NRP1: variants seen among roughly 807,000 people sequenced by gnomAD.
The protein encoded by NRP1 is neuropilin 1.
In NRP1, 35 loss-of-function variants were observed where a neutral mutation model predicts 106.7. The ratio of observed to expected loss-of-function variants is 0.33; its 90% CI spans 0.25 to 0.43. NRP1 has a LOEUF of 0.43. Among genes scored for constraint, NRP1 ranks in the 20% least tolerant of loss-of-function variants. The pLI is 1.00. For missense variants in NRP1, 1,024 were observed against 1,170.4 expected, an observed-to-expected ratio of 0.87 and a Z score of 1.83; for synonymous variants, 437 against 417.9, an observed-to-expected ratio of 1.05 and a Z score of -0.56.
chr10:33,315,391 G>A (rs1846950604), intron 2 of NRP1, among the ~76,000 whole-genome samples: 1 of 152,210 alleles, frequency 6.6e-6, no homozygotes. Context: ...GAGCTGACTT[G>A]GTCTTCCTGT....
chr10:33,202,560 G>C, intron 11 of NRP1: 1 of 1,404,552 alleles, frequency 7.1e-7, no homozygotes, highest in South Asian at 1.5e-5. Flanking sequence ...GGTGGTGCAC[G>C]TGTTATTGGG....
Position 33,263,874 on chromosome 10 carries a change from C to T in NRP1, c.431-1G>A, listed in dbSNP as rs1234362332. On this transcript the variant is annotated splice_acceptor_variant, in intron 3 of 16. Transcript: ENST00000374867. LOFTEE classifies it high-confidence loss of function. The stretch of plus-strand genomic sequence containing the variant: ...GTGTAGTTCTGGGAACATTCAGGAC[C>T]TATGAGTAGAAGAGAAAAAGGAGTA... The T allele has an allele frequency of 6.3e-7, 1 of 1,588,418 alleles. No homozygotes were observed. The highest frequency in any genetic ancestry group is 8.6e-7 in the Non-Finnish European group (1 of 1,157,494).
rs755645368 is a variant in NRP1 at position 33,323,427 on chromosome 10, C to T, written c.248+7281G>A. On this transcript the variant is annotated intron_variant, in intron 2 of 16. Coordinates refer to ENST00000374867, the MANE Select transcript of NRP1 (RefSeq NM_003873.7). Reference sequence around the variant, plus strand: ...GAACTCTATAAAGGAATTGAGTAGACGGAAGCCAAAATATTCTGTTTGTTT... The same window carrying T: ...GAACTCTATAAAGGAATTGAGTAGATGGAAGCCAAAATATTCTGTTTGTTT... Among the ~76,000 whole-genome samples, 7 of 152,068 alleles carry T rather than the reference C, an allele frequency of 4.6e-5. No homozygotes were observed. The South Asian group carries it at 6.2e-4, about 14-fold the overall frequency.
intron 6 of NRP1, among the ~76,000 whole-genome samples, chr10:33,235,306 C>T (rs1475317112): frequency 6.6e-6 from 1 of 152,150 alleles, no homozygotes; most frequent in Non-Finnish European, 1.5e-5. Context: ...GAGACTTTTC[C>T]AGAATCCAGC....
intron 6 of NRP1, among the ~76,000 whole-genome samples, chr10:33,229,298 C>T (rs954424321): frequency 1.6e-4 from 24 of 152,104 alleles, no homozygotes; most frequent in Middle Eastern, 6.3e-3. Flanking sequence ...TTCACAATGC[C>T]GCAATCTAAA....
chr10:33,233,875 C>T (rs1037215405), intron 6 of NRP1, among the ~76,000 whole-genome samples: 3 of 152,168 alleles, frequency 2.0e-5, no homozygotes, highest in African/African-American at 7.2e-5. Flanking sequence ...TGTCTCATTT[C>T]CTTAGATAAA....
In NRP1 at chr10:33,226,302, T is replaced by C; in HGVS notation, c.982-13A>G. On this transcript the variant is annotated splice_polypyrimidine_tract_variant and intron_variant, in intron 6 of 16. Coordinates refer to ENST00000374867, the MANE Select transcript of NRP1 (RefSeq NM_003873.7). ...GGCCCAAGTCTACCTGCAAGACAAG[T>C]ACAAGCGTGGTCAGTGCACCATCCC... 6.2e-7 allele frequency: 1 copy of C among 1,613,966 alleles called. No homozygotes were observed. The highest frequency in any genetic ancestry group is 1.1e-5 in the South Asian group (1 of 91,072).
At chr10:33,255,574 C>G (rs552424895) in intron 5 of NRP1, among the ~76,000 whole-genome samples, 1 of 152,282 alleles carries the variant, frequency 6.6e-6, no homozygotes, top group Admixed American at 6.5e-5. Context: ...CCCATAGCTT[C>G]CCAAGTAACT....
intron 11 of NRP1, chr10:33,202,370 TAGC>T (rs747741686): frequency 3.0e-6 from 1 of 329,172 alleles, no homozygotes; most frequent in Non-Finnish European, 5.6e-6. Context: ...TGATGTGAAA[TAGC>T]AGCTAATTCT....
At chr10:33,191,498 G>C (rs1236790880) in intron 13 of NRP1, among the ~76,000 whole-genome samples, 1 of 152,206 alleles carries the variant, frequency 6.6e-6, no homozygotes, top group Non-Finnish European at 1.5e-5. Flanking sequence ...TAAAATAAAC[G>C]AGGGGACATA....
intron 7 of NRP1, among the ~76,000 whole-genome samples, chr10:33,224,941 T>C (rs545337783): frequency 1.3e-5 from 2 of 152,328 alleles, no homozygotes; most frequent in East Asian, 3.9e-4. Flanking sequence ...GAGTTAGTGA[T>C]TTTTTATTTC....
chr10:33,256,236 C>T, intron 5 of NRP1, 80 bp downstream of exon 5: 1 of 1,409,972 alleles, frequency 7.1e-7, no homozygotes, highest in Non-Finnish European at 9.9e-7. Context: ...TTCTTTAGTG[C>T]TTCATGTGGC....
chr10:33,305,409 T>C (rs1846079299), intron 2 of NRP1, among the ~76,000 whole-genome samples: 3 of 152,212 alleles, frequency 2.0e-5, no homozygotes, highest in Non-Finnish European at 4.4e-5. Flanking sequence ...CCTGAAGGTC[T>C]AGCTGCAAAA....
intron 2 of NRP1, among the ~76,000 whole-genome samples, chr10:33,276,965 G>T (rs910927177): frequency 6.6e-6 from 1 of 151,982 alleles, no homozygotes; most frequent in Non-Finnish European, 1.5e-5. Flanking sequence ...CATTAGCAGG[G>T]TATGGTGGCT....
intron 8 of NRP1, among the ~76,000 whole-genome samples, chr10:33,216,353 G>A (rs1838770327): frequency 6.6e-6 from 1 of 151,978 alleles, no homozygotes; most frequent in Non-Finnish European, 1.5e-5. Context: ...AGCCAGGATG[G>A]TCTCGATCTC....
intron 8 of NRP1, among the ~76,000 whole-genome samples, chr10:33,216,732 A>T (rs1016461972): frequency 3.9e-4 from 60 of 152,198 alleles, no homozygotes; most frequent in Non-Finnish European, 7.4e-4. Context: ...TTGAGCCACC[A>T]TATCCAGCCC....
chr10:33,204,793 A>G (rs1837629563), intron 10 of NRP1, among the ~76,000 whole-genome samples: 1 of 151,938 alleles, frequency 6.6e-6, no homozygotes, highest in African/African-American at 2.4e-5. Flanking sequence ...GTACAATGGC[A>G]TGATCTCAGC....
chr10:33,288,810 T>C (rs896081501), intron 2 of NRP1, among the ~76,000 whole-genome samples: 1 of 152,314 alleles, frequency 6.6e-6, no homozygotes, highest in Non-Finnish European at 1.5e-5. Flanking sequence ...TCTCCTTGAA[T>C]GTATAAAACC....
chr10:33,222,346 A>G (rs1002612178), intron 7 of NRP1, among the ~76,000 whole-genome samples: 5 of 152,136 alleles, frequency 3.3e-5, no homozygotes, highest in African/African-American at 1.2e-4. Flanking sequence ...CTTTGACTTC[A>G]TTCCTTGATG....
Sources: gnomAD v4.1 joint callset for allele counts (sites outside exome capture counted in the v4.1 genomes callset) on GRCh38, gnomAD v4.1.1 for gene constraint, MANE v1.5 for transcripts, NCBI Gene and HGNC (gene_info 2026-07-23, HGNC 2026-07-21) for gene names.